Variants in TCF7L2 observed in about 807,000 individuals in gnomAD.
TCF7L2 encodes transcription factor 7 like 2, also known as transcription factor 7-like 2.
A neutral mutation model predicts 77.9 loss-of-function variants in TCF7L2; 23 were observed. The observed-to-expected ratio is 0.30, with a 90% CI of 0.21 to 0.42. TCF7L2 has a LOEUF of 0.42. Ranked by LOEUF, TCF7L2 falls within the 10% of genes least tolerant of loss-of-function variation. The pLI, the probability that TCF7L2 is intolerant of heterozygous loss-of-function variation, is 1.00. For missense variants in TCF7L2, 654 were observed against 793.1 expected (o/e 0.82, Z 2.11); for synonymous variants, 413 against 340.2 (o/e 1.21, Z -2.36).
intron 4 of TCF7L2, among the ~76,000 whole-genome samples, chr10:113,002,899 T>C (rs528757852): frequency 6.6e-6 from 1 of 152,252 alleles, no homozygotes; most frequent in Non-Finnish European, 1.5e-5. Context: ...AACAATTTCA[T>C]ATGTCAATAC....
At chr10:112,973,454 G>A (rs1467976928) in intron 4 of TCF7L2, among the ~76,000 whole-genome samples, 1 of 152,162 alleles carries the variant, frequency 6.6e-6, no homozygotes, top group Non-Finnish European at 1.5e-5. Flanking sequence ...CCAGCTTTTA[G>A]TGAGCAGGCC....
chr10:113,136,368 T>C lies in TCF7L2; in HGVS notation c.553-4816T>C, dbSNP rs1057219589. ...AGGTGTTCTAAGCTGATGGTGGTGG[T>C]GTGACTTCGGCAGCTGTGGTATAAC... On this transcript the variant is annotated intron_variant, in intron 5 of 13. Transcript: ENST00000627217. 4.6e-5 allele frequency among the ~76,000 whole-genome samples: 7 copies of C among 152,312 alleles called. No individual in the cohort carries two copies. In the East Asian group the frequency reaches 1.4e-3, roughly 29 times the overall value.
At chr10:113,078,572 G>T (rs148269714) in intron 5 of TCF7L2, among the ~76,000 whole-genome samples, 2 of 151,964 alleles carry the variant, frequency 1.3e-5, no homozygotes, top group Non-Finnish European at 2.9e-5. Flanking sequence ...CAGAGATGGG[G>T]TCTCACTATA....
At chr10:113,063,686 C>T (rs1223944753) in intron 5 of TCF7L2, among the ~76,000 whole-genome samples, 2 of 152,160 alleles carry the variant, frequency 1.3e-5, no homozygotes, top group East Asian at 3.9e-4. Context: ...TTGAAACCCC[C>T]ACACCCGGGT....
In TCF7L2 at chr10:113,018,998, GA is replaced by G. The variant is rs1389547999; in HGVS notation, c.451-21026del. ...CAAGCAGCGTCCAGAGGGAGCACAAGAGGGAGGGACAAATCTTGGGAGGGTC... is the reference window on the plus strand; with the variant it reads ...CAAGCAGCGTCCAGAGGGAGCACAAGGGGAGGGACAAATCTTGGGAGGGTC... On this transcript the variant is annotated intron_variant, in intron 4 of 13. Coordinates refer to ENST00000627217, the MANE Select transcript of TCF7L2 (RefSeq NM_001146274.2). Among the ~76,000 whole-genome samples the G allele has an allele frequency of 8.5e-5, 13 of 152,322 alleles. No homozygotes were observed. The East Asian group carries it at 2.5e-3, about 29-fold the overall frequency.
In TCF7L2 at chr10:113,165,738, C is replaced by T. The variant is rs2137651675; in HGVS notation, c.1575C>T (p.Pro525=). 3 of 1,612,938 alleles carry T rather than the reference C, an allele frequency of 1.9e-6. No homozygotes were observed. Among genetic ancestry groups the T allele is most frequent in the Non-Finnish European group, 2.5e-6 (3 of 1,179,560 alleles). ...TGTCGCTGTCCCTGAAGCCCGACCC[C>T]CTGGCCCACCTGTCCATGATGCCTC... is the stretch of plus-strand genomic sequence containing the variant. Residue 525 remains proline, a synonymous_variant, in exon 14 of 14, where the codon CCC becomes CCT. Transcript: ENST00000627217.
intron 5 of TCF7L2, chr10:113,125,970 C>G (rs2065523408): frequency 6.6e-6 from 1 of 152,166 alleles, no homozygotes; most frequent in Non-Finnish European, 1.5e-5. Flanking sequence ...TTTGTTTAAT[C>G]TTTTTGATCT....
intron 5 of TCF7L2, among the ~76,000 whole-genome samples, chr10:113,082,309 CT>C (rs958542493): frequency 8.2e-5 from 12 of 146,210 alleles, no homozygotes; most frequent in African/African-American, 2.1e-4. Flanking sequence ...CATATAATGT[CT>C]TTTTTTAATA....
chr10:113,000,635 T>A (rs1256097412), intron 4 of TCF7L2, among the ~76,000 whole-genome samples: 1 of 152,142 alleles, frequency 6.6e-6, no homozygotes, highest in East Asian at 1.9e-4. Flanking sequence ...CAGTGATGTT[T>A]GCTTAGGATG....
rs746047660 is a variant in TCF7L2, at chr10:113,144,088, C to CTGTGTGTGTGTGTGTG, written c.788+74_788+75insGTGTGTGTGTGTGTGT. 4.8e-5 allele frequency: 61 copies of CTGTGTGTGTGTGTGTG among 1,262,010 alleles called. 1 individual carries two copies. The African/African-American group carries it at 1.0e-3, about 21-fold the overall frequency. The allele number at this position is 1,262,010 out of a possible 1,614,324, so 78.2% of individuals were successfully genotyped here. ...TACATGGGCATGTTTATTATTTATT[C>CTGTGTGTGTGTGTGTG]TGTGTGTGTGTCTGTGTGTGTGTGT... On this transcript the variant is annotated intron_variant, in intron 7 of 13. Coordinates refer to ENST00000627217, the MANE Select transcript of TCF7L2 (RefSeq NM_001146274.2).
Position 113,026,611 on chromosome 10 carries a change from A to G in TCF7L2, c.451-13414A>G, listed in dbSNP as rs965662459. On this transcript the variant is annotated intron_variant, in intron 4 of 13. Coordinates refer to ENST00000627217, the MANE Select transcript of TCF7L2 (RefSeq NM_001146274.2). ...CATTCCTTAGTTCTTATCCTCTGCT[A>G]CCAAGCCATTTCTTGGGATCAAGCC... Among the ~76,000 whole-genome samples the G allele has an allele frequency of 3.3e-5, 5 of 152,220 alleles. No homozygotes were observed. The South Asian group carries it at 8.3e-4, about 25-fold the overall frequency.
intron 4 of TCF7L2, among the ~76,000 whole-genome samples, chr10:112,965,629 A>ATGTGTGTGTGTGTG (rs59587175): frequency 7.3e-6 from 1 of 137,214 alleles, no homozygotes; most frequent in African/African-American, 2.7e-5. Context: ...GTGTGTGTAT[A>ATGTGTGTGTGTGTG]TGTGTGTGTG....
chr10:113,044,987 C>T (rs1047232044), intron 5 of TCF7L2, among the ~76,000 whole-genome samples: 1 of 151,836 alleles, frequency 6.6e-6, no homozygotes, highest in Non-Finnish European at 1.5e-5. Flanking sequence ...GAAACAGCAG[C>T]GGAACTTGCT....
At chr10:112,978,199 T>G (rs1363227403) in intron 4 of TCF7L2, among the ~76,000 whole-genome samples, 1 of 152,236 alleles carries the variant, frequency 6.6e-6, no homozygotes, top group Non-Finnish European at 1.5e-5. Flanking sequence ...ATATGTCTTA[T>G]GCATATTTGA....
chr10:113,089,115 G>A (rs577201403), intron 5 of TCF7L2, among the ~76,000 whole-genome samples: 2 of 152,308 alleles, frequency 1.3e-5, no homozygotes, highest in African/African-American at 2.4e-5. Flanking sequence ...CAGAGGAAGG[G>A]GAGGCCATGC....
chr10:113,037,307 A>C (rs955730006), intron 4 of TCF7L2, among the ~76,000 whole-genome samples: 6 of 152,146 alleles, frequency 3.9e-5, no homozygotes, highest in African/African-American at 7.2e-5. Flanking sequence ...TGTGGCATCA[A>C]GTTGCACTGG....
At chr10:113,160,907 T>C (rs1423969405) in intron 13 of TCF7L2, among the ~76,000 whole-genome samples, 1 of 152,152 alleles carries the variant, frequency 6.6e-6, no homozygotes, top group African/African-American at 2.4e-5. Context: ...ATGAACAATA[T>C]CCCTGGTGGC....
intron 5 of TCF7L2, among the ~76,000 whole-genome samples, chr10:113,093,664 A>C (rs1048316889): frequency 1.3e-5 from 2 of 152,176 alleles, no homozygotes; most frequent in African/African-American, 4.8e-5. Flanking sequence ...CAGAAAGTCA[A>C]TATCCACCTG....
intron 5 of TCF7L2, among the ~76,000 whole-genome samples, chr10:113,109,907 C>G (rs2062900944): frequency 6.6e-6 from 1 of 152,172 alleles, no homozygotes; most frequent in African/African-American, 2.4e-5. Flanking sequence ...CTAATTAAAT[C>G]ATGGCTTATA....
Sources: gnomAD v4.1 joint callset for allele counts (sites outside exome capture counted in the v4.1 genomes callset) on GRCh38, gnomAD v4.1.1 for gene constraint, MANE v1.5 for transcripts, NCBI Gene and HGNC (gene_info 2026-07-23, HGNC 2026-07-21) for gene names.